The following LMTK2 variants were observed in gnomAD, a reference collection of about 807,000 sequenced individuals.
LMTK2 encodes lemur tail kinase 2, also known as serine/threonine-protein kinase LMTK2.
Under a neutral mutation model 127.5 loss-of-function variants are expected in LMTK2, and 37 were observed. That is an observed-to-expected ratio of 0.29 (90% CI 0.22 to 0.38). The LOEUF is 0.38. LMTK2 is among the 10% of genes least tolerant of loss of function. LMTK2 has a pLI of 1.00. For synonymous variants in LMTK2, 819 were observed against 810.1 expected (o/e 1.01, Z -0.19); for missense variants, 1,694 against 1,920.3 (o/e 0.88, Z 2.20).
chr7:98,204,498 T>C (rs575874130), intron 13 of LMTK2, among the ~76,000 whole-genome samples: 1 of 152,054 alleles, frequency 6.6e-6, no homozygotes, highest in East Asian at 1.9e-4. Context: ...TGTGGTGGTG[T>C]GCACCTGCAC....
chr7:98,121,615 G>A (rs988901775), intron 1 of LMTK2, among the ~76,000 whole-genome samples: 1 of 150,752 alleles, frequency 6.6e-6, no homozygotes, highest in Non-Finnish European at 1.5e-5. Context: ...GCCTGGCACA[G>A]AGCCAGACTC....
At chr7:98,140,127 TTTCTTTCTTTC>T (rs1796659083) in intron 2 of LMTK2, among the ~76,000 whole-genome samples, 3 of 66,498 alleles carry the variant, frequency 4.5e-5, no homozygotes, top group African/African-American at 1.3e-4. Flanking sequence ...TCTTTCTTTC[TTTCTTTCTTTC>T]TTTCTTTTCT....
intron 7 of LMTK2, among the ~76,000 whole-genome samples, chr7:98,180,002 C>T (rs1270102888): frequency 6.6e-6 from 1 of 152,190 alleles, no homozygotes; most frequent in Admixed American, 6.5e-5. Flanking sequence ...TTCTCTGCCT[C>T]AGTGTCCATA....
Position 98,205,848 on chromosome 7 carries a change from T to G in LMTK2, c.*356T>G. The G allele has an allele frequency of 3.2e-6, 1 of 314,336 alleles. No individual in the cohort carries two copies. Among genetic ancestry groups the G allele is most frequent in the South Asian group, 5.2e-5 (1 of 19,218 alleles). 19.5% of individuals were successfully genotyped at this position (314,336 alleles called of 1,614,324 possible). A position where few individuals can be genotyped will look rare whatever the true frequency, so the allele number is the denominator to read the frequency against. On this transcript the variant is annotated 3_prime_UTR_variant, in exon 14 of 14. Coordinates refer to ENST00000297293, the MANE Select transcript of LMTK2 (RefSeq NM_014916.4). ...CGCATGTGTGCTTTCCACAGGGGCG[T>G]CTCTGCGTCCACGCCTGCACATCCC...
At position 98,205,841 on chromosome 7, in the gene LMTK2, A is replaced by G; in HGVS notation, c.*349A>G. 3.0e-6 allele frequency: 1 copy of G among 331,974 alleles called. No homozygotes were observed. Among genetic ancestry groups the G allele is most frequent in the Non-Finnish European group, 5.7e-6 (1 of 176,162 alleles). The allele number at this position is 331,974 out of a possible 1,614,324, so 20.6% of individuals were successfully genotyped here. On this transcript the variant is annotated 3_prime_UTR_variant, in exon 14 of 14. Transcript: ENST00000297293. ...TGTGCACCGCATGTGTGCTTTCCAC[A>G]GGGGCGTCTCTGCGTCCACGCCTGC...
Position 98,192,536 on chromosome 7 carries a change from C to T in LMTK2, c.2071C>T (p.Arg691Cys), listed in dbSNP as rs200416057. Residue 691 changes from arginine (R) to cysteine (C), a missense_variant, in exon 11 of 14, where the codon CGT becomes TGT. By Grantham distance (180) the Arg-to-Cys change is radical. Around this residue, in one of 8 missense-constraint regions of LMTK2, gnomAD observed 527 missense variants for 539.8 expected, o/e 0.98. Coordinates refer to ENST00000297293, the MANE Select transcript of LMTK2 (RefSeq NM_014916.4). ...AGGCCACTTTGAGAAAGAAAAGCCC[C>T]GTAAGATTTTTGACAGTGAGCCTCT... ...ITGHFEKEKP[R>C]KIFDSEPLCL... The T allele has an allele frequency of 4.7e-5, 75 of 1,611,828 alleles. No homozygotes were observed. Among genetic ancestry groups the T allele is most frequent in the Middle Eastern group, 1.6e-4 (1 of 6,078 alleles).
At chr7:98,175,384 G>T (rs573010133) in intron 7 of LMTK2, among the ~76,000 whole-genome samples, 2 of 152,192 alleles carry the variant, frequency 1.3e-5, no homozygotes, top group Non-Finnish European at 2.9e-5. Context: ...AAAAGAAGAC[G>T]CAGGAGAGAA....
At chr7:98,156,697 T>C (rs186032079) in intron 5 of LMTK2, among the ~76,000 whole-genome samples, 190 of 152,308 alleles carry the variant, frequency 1.2e-3, no homozygotes, top group African/African-American at 4.4e-3. Context: ...TGTATGTACA[T>C]GTATATCTAA....
At chr7:98,203,311 C>T (rs754166969) in intron 11 of LMTK2, among the ~76,000 whole-genome samples, 5 of 152,222 alleles carry the variant, frequency 3.3e-5, no homozygotes, top group African/African-American at 4.8e-5. Context: ...TGAGCACTGC[C>T]GCTCGTGCCC....
At chr7:98,152,233 T>G (rs1043557483) in intron 4 of LMTK2, among the ~76,000 whole-genome samples, 1 of 152,168 alleles carries the variant, frequency 6.6e-6, no homozygotes, top group African/African-American at 2.4e-5. Flanking sequence ...TGTTGATTTT[T>G]TTATCGTAGA....
rs1033774887 is a variant in LMTK2 at position 98,191,991 on chromosome 7, T to C, written c.1526T>C (p.Val509Ala). 8.7e-6 allele frequency: 14 copies of C among 1,612,132 alleles called. No homozygotes were observed. Among genetic ancestry groups the C allele is most frequent in the Non-Finnish European group, 1.0e-5 (12 of 1,178,552 alleles). ...SYTSIFYPVE[V>A]FESSLSDPGP... is the part of the protein sequence containing the mutation. ...ACGAGCATCTTCTATCCGGTTGAAG[T>C]TTTTGAGAGTTCGCTTTCAGATCCT... Residue 509 changes from valine (V) to alanine (A), a missense_variant, in exon 11 of 14, where the codon GTT becomes GCT. By Grantham distance (64) the Val-to-Ala change is moderately conservative. Around this residue, in one of 8 missense-constraint regions of LMTK2, gnomAD observed 216 missense variants for 266.8 expected, o/e 0.81. Coordinates refer to ENST00000297293, the MANE Select transcript of LMTK2 (RefSeq NM_014916.4).
rs566001701 is a variant in LMTK2, at chr7:98,111,815, A to G, written c.103+4535A>G. 2.6e-5 allele frequency among the ~76,000 whole-genome samples: 4 copies of G among 152,326 alleles called. No homozygotes were observed. In the South Asian group the frequency reaches 8.3e-4, roughly 32 times the overall value. The stretch of plus-strand genomic sequence containing the variant: ...TTAAAAAATCTTTGTTGCTCAAAAT[A>G]ACTTTTTTATGGTGGATGGAGATGC... On this transcript the variant is annotated intron_variant, in intron 1 of 13. Transcript: ENST00000297293.
chr7:98,122,280 GTGGGGATT>G (rs1436802602), intron 1 of LMTK2, among the ~76,000 whole-genome samples: 2 of 151,794 alleles, frequency 1.3e-5, no homozygotes, highest in Non-Finnish European at 2.9e-5. Context: ...ATTGCATGTC[GTGGGGATT>G]TGGTGTATAG....
chr7:98,177,418 A>G (rs778065256), intron 7 of LMTK2, among the ~76,000 whole-genome samples: 11 of 152,256 alleles, frequency 7.2e-5, no homozygotes, highest in Admixed American at 1.3e-4. Context: ...AAGATGCACC[A>G]TGATTTATGG....
intron 7 of LMTK2, among the ~76,000 whole-genome samples, chr7:98,173,986 G>A (rs1797236092): frequency 6.6e-6 from 1 of 151,940 alleles, no homozygotes; most frequent in African/African-American, 2.4e-5. Context: ...AACCCGGGAG[G>A]TGGAGCTTGC....
intron 11 of LMTK2, among the ~76,000 whole-genome samples, chr7:98,197,642 C>T (rs1797644490): frequency 6.6e-6 from 1 of 152,140 alleles, no homozygotes; most frequent in Admixed American, 6.5e-5. Flanking sequence ...CGCTTAAGGC[C>T]AGGAGGTGAG....
intron 7 of LMTK2, among the ~76,000 whole-genome samples, chr7:98,181,950 C>T (rs1797362652): frequency 6.6e-6 from 1 of 152,186 alleles, no homozygotes; most frequent in South Asian, 2.1e-4. Context: ...AGCCACTGCA[C>T]CCAGCCGGTC....
At position 98,209,328 on chromosome 7, in the gene LMTK2, C is replaced by T. The variant is rs1797854962; in HGVS notation, c.*3836C>T. On this transcript the variant is annotated 3_prime_UTR_variant, in exon 14 of 14. Transcript: ENST00000297293. ...CCGGTGTGGACACGTGCTGGTTAAG[C>T]ACTCAGGCCTACGTGGGCCGAGCGG... 1 of 152,216 alleles carries T rather than the reference C, an allele frequency of 6.6e-6. No homozygotes were observed. Among genetic ancestry groups the T allele is most frequent in the Non-Finnish European group, 1.5e-5 (1 of 68,048 alleles). 9.4% of individuals were successfully genotyped at this position (152,216 alleles called of 1,614,324 possible).
intron 7 of LMTK2, among the ~76,000 whole-genome samples, chr7:98,174,689 G>C (rs932381882): frequency 1.3e-5 from 2 of 152,160 alleles, no homozygotes; most frequent in African/African-American, 2.4e-5. Flanking sequence ...TGACCATTGT[G>C]TACAAAAGAA....
Sources: allele counts gnomAD v4.1 joint callset (sites outside exome capture counted in the v4.1 genomes callset), GRCh38; gene constraint gnomAD v4.1.1; regional missense constraint gnomAD v4.1.1; transcripts MANE v1.5; gene names NCBI Gene and HGNC (gene_info 2026-07-23, HGNC 2026-07-21).